FAM167A: variants seen among roughly 807,000 people sequenced by gnomAD.
FAM167A encodes the protein family with sequence similarity 167 member A.
In FAM167A, 23 loss-of-function variants were observed where a neutral mutation model predicts 14.9. The observed-to-expected ratio is 1.55, with a 90% CI of 1.11 to 2.19. The LOEUF (loss-of-function observed/expected upper bound fraction) is 2.19. Ranked by LOEUF, FAM167A falls within the 30% of genes most tolerant of loss-of-function variation. The probability of loss-of-function intolerance (pLI) is 0.00; values close to 1 mark genes in which losing one functional copy is unlikely to be tolerated. For missense variants in FAM167A, 401 were observed against 281.5 expected, an observed-to-expected ratio of 1.42 and a Z score of -3.04; for synonymous variants, 174 against 117.7, an observed-to-expected ratio of 1.48 and a Z score of -3.10.
At chr8:11,446,123 T>C (rs1254867519) in intron 1 of FAM167A, among the ~76,000 whole-genome samples, 2 of 151,138 alleles carry the variant, frequency 1.3e-5, no homozygotes, top group African/African-American at 4.9e-5. Flanking sequence ...GGAAAAGAAT[T>C]AAGATGAGGG....
At chr8:11,455,384 C>T (rs1433369576) in intron 1 of FAM167A, among the ~76,000 whole-genome samples, 9 of 99,818 alleles carry the variant, frequency 9.0e-5, no homozygotes, top group African/African-American at 3.7e-4. Context: ...GGTTGCCTTG[C>T]GTGAGTGTGA....
At chr8:11,429,083 G>A (rs182202487) in intron 2 of FAM167A, among the ~76,000 whole-genome samples, 6 of 151,932 alleles carry the variant, frequency 3.9e-5, no homozygotes, top group South Asian at 2.1e-4. Context: ...TCTTTTTATC[G>A]TTCTAAACAG....
At chr8:11,432,408 GGATATGAACAGACAC>G (rs1805669474) in intron 2 of FAM167A, among the ~76,000 whole-genome samples, 1 of 152,128 alleles carries the variant, frequency 6.6e-6, no homozygotes, top group Admixed American at 6.5e-5. Flanking sequence ...AATGGGCAAA[GGATATGAACAGACAC>G]TTCTCAAAAG....
upstream of FAM167A, among the ~76,000 whole-genome samples, chr8:11,472,369 A>T (rs964005537): frequency 1.3e-5 from 2 of 151,716 alleles, no homozygotes; most frequent in African/African-American, 4.8e-5. Context: ...CCTTGGTGAC[A>T]GCTGGAAGGA....
upstream of FAM167A, among the ~76,000 whole-genome samples, chr8:11,468,658 C>T (rs1055497168): frequency 3.9e-5 from 6 of 152,236 alleles, no homozygotes; most frequent in Non-Finnish European, 7.3e-5. Context: ...GCCCATGGCC[C>T]TGGCACGTGG....
rs563595962 is a variant in FAM167A at position 11,452,797 on chromosome 8, G to A, written c.-397-7989C>T. Among the ~76,000 whole-genome samples, 5 of 152,304 alleles carry A rather than the reference G, an allele frequency of 3.3e-5. No individual in the cohort carries two copies. The East Asian group carries it at 9.6e-4, about 29-fold the overall frequency. On this transcript the variant is annotated intron_variant, in intron 1 of 2. Coordinates refer to ENST00000284486, the MANE Select transcript of FAM167A (RefSeq NM_053279.3). Reference sequence around the variant, plus strand: ...TATTTAGCATCTATGAATGCTGGGGGAATGTGCAGGCACGTTCCCCAGTGC... The same window carrying A: ...TATTTAGCATCTATGAATGCTGGGGAAATGTGCAGGCACGTTCCCCAGTGC...
intron 1 of FAM167A, among the ~76,000 whole-genome samples, chr8:11,466,202 G>A (rs1012907269): frequency 2.0e-5 from 3 of 152,164 alleles, no homozygotes; most frequent in East Asian, 3.9e-4. Context: ...GACCGCATCC[G>A]TGGGGACAGA....
At position 11,444,133 on chromosome 8, in the gene FAM167A, A is replaced by C; in HGVS notation, c.279T>G (p.Pro93=). The part of the protein sequence containing the change: ...LPLREAGQHP[P]SARSASQGAR... ...CACCTTGGCTGGCACTCCTGGCAGAAGGGGGGTGCTGCCCAGCCTCTCTCA... is the reference window on the plus strand; with the variant it reads ...CACCTTGGCTGGCACTCCTGGCAGACGGGGGGTGCTGCCCAGCCTCTCTCA... The change falls in exon 2 of 3, where the codon CCT becomes CCG. Residue 93 remains proline, a synonymous_variant. Coordinates refer to ENST00000284486, the MANE Select transcript of FAM167A (RefSeq NM_053279.3). The C allele has an allele frequency of 6.2e-7, 1 of 1,613,082 alleles. No individual in the cohort carries two copies. The highest frequency in any genetic ancestry group is 8.5e-7 in the Non-Finnish European group (1 of 1,179,932).
intron 1 of FAM167A, chr8:11,445,042 G>A (rs537943931): frequency 2.1e-4 from 176 of 840,810 alleles, no homozygotes; most frequent in Non-Finnish European, 2.4e-4. Flanking sequence ...AAACGACTCC[G>A]CCTCTACTAT....
intron 1 of FAM167A, among the ~76,000 whole-genome samples, chr8:11,455,084 C>A (rs1585271749): frequency 6.6e-6 from 1 of 152,184 alleles, no homozygotes; most frequent in South Asian, 2.1e-4. Flanking sequence ...CGAGACCTGA[C>A]CCCGGCCCCA....
intron 1 of FAM167A, among the ~76,000 whole-genome samples, chr8:11,449,773 C>T (rs1806950161): frequency 6.6e-6 from 1 of 152,222 alleles, no homozygotes; most frequent in South Asian, 2.1e-4. Flanking sequence ...CAACAAGCTC[C>T]CTGGCTCCCA....
At chr8:11,456,981 GAT>G (rs551187476) in intron 1 of FAM167A, among the ~76,000 whole-genome samples, 6 of 36,114 alleles carry the variant, frequency 1.7e-4, no homozygotes, top group African/African-American at 5.0e-4. Context: ...CTGGGTTAGG[GAT>G]GTAGGTGGGG....
intron 1 of FAM167A, among the ~76,000 whole-genome samples, chr8:11,462,280 C>T (rs1163025489): frequency 2.6e-5 from 4 of 152,192 alleles, no homozygotes; most frequent in African/African-American, 9.7e-5. Flanking sequence ...GGTTGACAGC[C>T]AGCCTGCCAC....
At chr8:11,443,933 T>C in intron 2 of FAM167A, 98 bp downstream of exon 2, 3 of 1,381,842 alleles carry the variant, frequency 2.2e-6, no homozygotes, top group Non-Finnish European at 2.9e-6. Flanking sequence ...AAGAAATACA[T>C]GGTGGGGGTG....
At chr8:11,451,344 G>T (rs1463230820) in intron 1 of FAM167A, among the ~76,000 whole-genome samples, 7 of 152,252 alleles carry the variant, frequency 4.6e-5, no homozygotes, top group African/African-American at 1.4e-4. Context: ...CACCCGCCCT[G>T]CCCAGGTTAC....
At chr8:11,433,173 C>T (rs112710642) in intron 2 of FAM167A, among the ~76,000 whole-genome samples, 1 of 151,764 alleles carries the variant, frequency 6.6e-6, no homozygotes, top group Non-Finnish European at 1.5e-5. Flanking sequence ...TCTGCACATT[C>T]TGCACATGTA....
At position 11,443,910 on chromosome 8, in the gene FAM167A, TTAGA is replaced by T. The variant is rs1806598626; in HGVS notation, c.381+117_381+120del. ...AAGATTACAGATGTGCACTTGGGGG[TTAGA>T]GAGAGGGGAAGAAATACATGGTGGG... On this transcript the variant is annotated intron_variant, in intron 2 of 2. Coordinates refer to ENST00000284486, the MANE Select transcript of FAM167A (RefSeq NM_053279.3). The T allele has an allele frequency of 2.4e-6, 3 of 1,245,230 alleles. No individual in the cohort carries two copies. The African/African-American group carries it at 4.5e-5, about 19-fold the overall frequency. 77.1% of individuals were successfully genotyped at this position (1,245,230 alleles called of 1,614,324 possible). A position where few individuals can be genotyped will look rare whatever the true frequency, so the allele number is the denominator to read the frequency against.
intron 2 of FAM167A, among the ~76,000 whole-genome samples, chr8:11,434,599 A>G (rs914293690): frequency 5.3e-5 from 8 of 152,164 alleles, no homozygotes; most frequent in African/African-American, 1.9e-4. Context: ...CCCTGTGATC[A>G]GGCCTTTAAT....
At chr8:11,453,505 A>G (rs1807107900) in intron 1 of FAM167A, among the ~76,000 whole-genome samples, 1 of 152,216 alleles carries the variant, frequency 6.6e-6, no homozygotes, top group South Asian at 2.1e-4. Flanking sequence ...CACAGAGATG[A>G]TAAGGCACGG....
Sources: allele counts gnomAD v4.1 joint callset (sites outside exome capture counted in the v4.1 genomes callset), GRCh38; gene constraint gnomAD v4.1.1; transcripts MANE v1.5; gene names NCBI Gene and HGNC (gene_info 2026-07-23, HGNC 2026-07-21).